SHLD3: variants seen among roughly 807,000 people sequenced by gnomAD.
The protein encoded by SHLD3 is shieldin complex subunit 3.
SHLD3 carries 15 observed loss-of-function variants against 21.4 expected under a neutral mutation model. That is an observed-to-expected ratio of 0.70 (90% CI 0.47 to 1.08). The LOEUF (loss-of-function observed/expected upper bound fraction) is 1.08. Among genes scored for constraint, SHLD3 ranks in the 50% least tolerant of loss-of-function variants. The pLI, the probability that SHLD3 is intolerant of heterozygous loss-of-function variation, is 0.00. For synonymous variants in SHLD3, 103 were observed against 97.2 expected (o/e 1.06, Z -0.35); for missense variants, 273 against 286.1 (o/e 0.95, Z 0.33).
intron 1 of SHLD3, among the ~76,000 whole-genome samples, chr5:65,628,903 T>C (rs1040665868): frequency 3.3e-5 from 5 of 151,576 alleles, no homozygotes; most frequent in African/African-American, 1.2e-4. Context: ...CTGCAACCTC[T>C]GGCTCCCAGG....
At chr5:65,627,625 C>CAAA (rs77913020) in intron 1 of SHLD3, among the ~76,000 whole-genome samples, 1 of 120,408 alleles carries the variant, frequency 8.3e-6, no homozygotes, top group Non-Finnish European at 1.8e-5. Flanking sequence ...GACTCTGTCT[C>CAAA]AAAAAAAAAA....
chr5:65,625,688 C>A (rs1176603163), intron 1 of SHLD3, among the ~76,000 whole-genome samples: 2 of 151,848 alleles, frequency 1.3e-5, no homozygotes, highest in Non-Finnish European at 2.9e-5. Context: ...TTAATTAGAT[C>A]ATTATTTAGG....
intron 1 of SHLD3, chr5:65,625,925 T>A (rs37253): frequency 1.3e-5 from 2 of 152,012 alleles, no homozygotes; most frequent in Non-Finnish European, 2.9e-5. Flanking sequence ...ACTTTACTTA[T>A]GGCATCCATT....
At position 65,625,107 on chromosome 5, in the gene SHLD3, G is replaced by C; in HGVS notation, c.-121+1G>C. 6.2e-7 allele frequency: 1 copy of C among 1,613,252 alleles called. No homozygotes were observed. On this transcript the variant is annotated splice_donor_variant, in intron 1 of 1. Coordinates refer to ENST00000510585, the MANE Select transcript of SHLD3 (RefSeq NM_001365341.2). LOFTEE classifies it low-confidence loss of function (5UTR_SPLICE). The stretch of plus-strand genomic sequence containing the variant: ...CAGGAGCACCTGCTGGCGCTAAAAG[G>C]TAAACTTTTGCGAACCTGATTCCCC...
Position 65,629,688 on chromosome 5 carries a change from C to G in SHLD3, c.101C>G (p.Pro34Arg). The G allele has an allele frequency of 6.5e-7, 1 of 1,536,002 alleles. No homozygotes were observed. Among genetic ancestry groups the G allele is most frequent in the Non-Finnish European group, 8.7e-7 (1 of 1,146,896 alleles). ...GCAATTCAAGACTTTCCTACTCGTC[C>G]GCTATCAAGATTTATACCTTGGTTT... ...EKAIQDFPTR[P>R]LSRFIPWFPY... The change falls in exon 2 of 2, where the codon CCG (proline) becomes CGG (arginine). Residue 34 changes from proline (P) to arginine (R), a missense_variant. Transcript: ENST00000510585.
In SHLD3 at chr5:65,625,073, C is replaced by G. The variant is rs1386158068; in HGVS notation, c.-154C>G. ...AGTGCCGGTCAAAATGGAAGTGAAT[C>G]CCCCTAAACAGGAGCACCTGCTGGC... is the stretch of plus-strand genomic sequence containing the variant. On this transcript the variant is annotated 5_prime_UTR_variant, in exon 1 of 2. In the 5' UTR this introduces an upstream ATG that the reference lacks. Transcript: ENST00000510585. 1 of 1,613,534 alleles carries G rather than the reference C, an allele frequency of 6.2e-7. No homozygotes were observed. The highest frequency in any genetic ancestry group is 8.5e-7 in the Non-Finnish European group (1 of 1,179,682).
chr5:65,625,135 T>C, intron 1 of SHLD3, 29 bp downstream of exon 1: 1 of 1,599,254 alleles, frequency 6.3e-7, no homozygotes, highest in African/African-American at 1.3e-5. Context: ...GATTCCCCCT[T>C]TTCTGTTTCC....
At chr5:65,627,081 G>C (rs1445774715) in intron 1 of SHLD3, among the ~76,000 whole-genome samples, 1 of 127,270 alleles carries the variant, frequency 7.9e-6, no homozygotes, top group African/African-American at 3.0e-5. Context: ...GCAGTGAGCT[G>C]AGATTGCGCC....
chr5:65,625,465 A>G (rs1755169740), intron 1 of SHLD3: 2 of 273,102 alleles, frequency 7.3e-6, no homozygotes, highest in Admixed American at 1.0e-4. Context: ...GGCACTGACG[A>G]AGTTAATCAG....
intron 1 of SHLD3, among the ~76,000 whole-genome samples, chr5:65,626,966 C>G (rs1456733767): frequency 6.6e-6 from 1 of 151,406 alleles, no homozygotes; most frequent in African/African-American, 2.4e-5. Flanking sequence ...ATGGCGAAAA[C>G]CCGTCTATAC....
chr5:65,626,296 C>T (rs1755226474), intron 1 of SHLD3: 1 of 152,196 alleles, frequency 6.6e-6, no homozygotes, highest in Non-Finnish European at 1.5e-5. Flanking sequence ...AACGCAAGGC[C>T]TGCCTCTCTT....
chr5:65,628,977 C>G (rs1479968140), intron 1 of SHLD3, among the ~76,000 whole-genome samples: 1 of 152,002 alleles, frequency 6.6e-6, no homozygotes, highest in Non-Finnish European at 1.5e-5. Flanking sequence ...GCCACCACAC[C>G]CAGCTAATTT....
chr5:65,629,473 G>A lies in SHLD3; in HGVS notation c.-115G>A. On this transcript the variant is annotated 5_prime_UTR_variant, in exon 2 of 2. Transcript: ENST00000510585. ...TTGCAATACTTCTACTTTAGGTCCTGTTTCCCTCTGATTTGGCAAGAGAGA... is the reference window on the plus strand; with the variant it reads ...TTGCAATACTTCTACTTTAGGTCCTATTTCCCTCTGATTTGGCAAGAGAGA... The A allele has an allele frequency of 7.0e-7, 1 of 1,428,002 alleles. No homozygotes were observed. The highest frequency in any genetic ancestry group is 1.4e-5 in the African/African-American group (1 of 69,692). 88.5% of individuals were successfully genotyped at this position (1,428,002 alleles called of 1,614,324 possible).
At position 65,626,881 on chromosome 5, in the gene SHLD3, C is replaced by A. The variant is rs571703334; in HGVS notation, c.-121+1775C>A. On this transcript the variant is annotated intron_variant, in intron 1 of 1. Transcript: ENST00000510585. ...AGCCTAAGCCAGGCGTGGTGGCTCA[C>A]GCCTGTAATAGCACTTTGGGAGGCC... is the stretch of plus-strand genomic sequence containing the variant. Among the ~76,000 whole-genome samples the A allele has an allele frequency of 9.1e-4, 138 of 152,138 alleles. 2 individuals carry two copies. The highest frequency in any genetic ancestry group is 7.7e-3 in the South Asian group (37 of 4,820).
Position 65,628,572 on chromosome 5 carries a change from A to G in SHLD3, c.-120-896A>G, listed in dbSNP as rs186176400. ...TGCAAACCTCAACCTCCCGGGTTCA[A>G]GCGATTCTCCTCCCTCAGCCTCCTG... On this transcript the variant is annotated intron_variant, in intron 1 of 1. Coordinates refer to ENST00000510585, the MANE Select transcript of SHLD3 (RefSeq NM_001365341.2). Among the ~76,000 whole-genome samples, 4 of 151,912 alleles carry G rather than the reference A, an allele frequency of 2.6e-5. No homozygotes were observed. In the East Asian group the frequency reaches 7.7e-4, roughly 29 times the overall value.
chr5:65,625,035 G>A lies in SHLD3; in HGVS notation c.-192G>A, dbSNP rs1022574912. On this transcript the variant is annotated 5_prime_UTR_variant, in exon 1 of 2. Transcript: ENST00000510585. The stretch of plus-strand genomic sequence containing the variant: ...AGTTGAACCTGTCCAGCCCCCGTAG[G>A]CTGTGGGTCAAAAGTGCCGGTCAAA... 5.6e-6 allele frequency: 9 copies of A among 1,608,880 alleles called. No homozygotes were observed. The African/African-American group carries it at 6.7e-5, about 12-fold the overall frequency.
chr5:65,630,656 T>C lies in SHLD3; in HGVS notation c.*316T>C. 9.8e-7 allele frequency: 1 copy of C among 1,015,632 alleles called. No individual in the cohort carries two copies. The highest frequency in any genetic ancestry group is 1.2e-6 in the Non-Finnish European group (1 of 848,544). The allele number at this position is 1,015,632 out of a possible 1,614,324, so 62.9% of individuals were successfully genotyped here. A position where few individuals can be genotyped will look rare whatever the true frequency, so the allele number is the denominator to read the frequency against. On this transcript the variant is annotated 3_prime_UTR_variant, in exon 2 of 2. Transcript: ENST00000510585. Reference sequence around the variant, plus strand: ...AAAATCTAATTTTACTGTATTTTTTTCCTTACCTCAAGTGTAATTTTTTAA... The same window carrying C: ...AAAATCTAATTTTACTGTATTTTTTCCCTTACCTCAAGTGTAATTTTTTAA...
At position 65,629,629 on chromosome 5, in the gene SHLD3, T is replaced by G; in HGVS notation, c.42T>G (p.Ser14Arg). 1 of 1,535,730 alleles carries G rather than the reference T, an allele frequency of 6.5e-7. No homozygotes were observed. The highest frequency in any genetic ancestry group is 1.2e-5 in the South Asian group (1 of 84,042). ...EVILHYRPCESDPTQLPKIAE... is the reference protein window; with the variant it reads ...EVILHYRPCERDPTQLPKIAE... Reference sequence around the variant, plus strand: ...TATTACATTATCGACCATGTGAGAGTGATCCCACACAACTGCCAAAAATTG... The same window carrying G: ...TATTACATTATCGACCATGTGAGAGGGATCCCACACAACTGCCAAAAATTG... Residue 14 changes from serine to arginine, a missense_variant, in exon 2 of 2, where the codon AGT becomes AGG. Coordinates refer to ENST00000510585, the MANE Select transcript of SHLD3 (RefSeq NM_001365341.2).
intron 1 of SHLD3, among the ~76,000 whole-genome samples, chr5:65,628,502 C>T (rs1755353911): frequency 1.3e-5 from 2 of 151,402 alleles, no homozygotes; most frequent in African/African-American, 4.9e-5. Flanking sequence ...CCCTGTCACC[C>T]AGGCTGGAGT....
Sources: gnomAD v4.1 joint callset for allele counts (sites outside exome capture counted in the v4.1 genomes callset) on GRCh38, gnomAD v4.1.1 for gene constraint, MANE v1.5 for transcripts, NCBI Gene and HGNC (gene_info 2026-07-23, HGNC 2026-07-21) for gene names.